The following SLC14A2 variants were observed in gnomAD, a reference collection of about 807,000 sequenced individuals.
The protein encoded by SLC14A2 is solute carrier family 14 member 2.
Under a neutral mutation model 104.6 loss-of-function variants are expected in SLC14A2, and 91 were observed. The ratio of observed to expected loss-of-function variants is 0.87; its 90% confidence interval spans 0.73 to 1.04. SLC14A2 has a LOEUF of 1.04. Ranked by LOEUF, SLC14A2 falls within the 50% of genes least tolerant of loss-of-function variation. The probability of loss-of-function intolerance (pLI) is 0.00; values close to 1 mark genes in which losing one functional copy is unlikely to be tolerated. For missense variants in SLC14A2, 1,189 were observed against 1,156.0 expected (o/e 1.03, Z -0.41); for synonymous variants, 476 against 466.4 (o/e 1.02, Z -0.27).
At position 45,300,278 on chromosome 18, in the gene SLC14A2, T is replaced by C. The variant is rs79171382; in HGVS notation, c.-125+87087T>C. 3.7e-3 allele frequency among the ~76,000 whole-genome samples: 566 copies of C among 152,280 alleles called. 1 individual carries two copies. The highest frequency in any genetic ancestry group is 8.0e-3 in the Admixed American group (122 of 15,292). On this transcript the variant is annotated intron_variant, in intron 1 of 20. Coordinates refer to the SLC14A2 transcript ENST00000586448. ...TCTTCCCATTTTTCAACAGGACTAATGAGTTAGGGACTGCTGTATCTTCAT... is the reference window on the plus strand; with the variant it reads ...TCTTCCCATTTTTCAACAGGACTAACGAGTTAGGGACTGCTGTATCTTCAT...
intron 1 of SLC14A2, among the ~76,000 whole-genome samples, chr18:45,244,824 TA>T (rs2084353212): frequency 6.6e-6 from 1 of 152,210 alleles, no homozygotes; most frequent in African/African-American, 2.4e-5. Context: ...TTAAACTCTC[TA>T]AAATTTTTGC....
chr18:45,183,906 A>ATTTTTTTTTTTTTTT, the SLC14A2 span, among the ~76,000 whole-genome samples: 37 of 62,698 alleles, frequency 5.9e-4, 2 homozygotes, highest in Non-Finnish European at 9.2e-4. Context: ...TAATTTTCTA[A>ATTTTTTTTTTTTTTT]TTTTTTTTTT....
At chr18:45,664,092 C>T (rs1381397556) in intron 11 of SLC14A2, among the ~76,000 whole-genome samples, 185 bp downstream of exon 11, 1 of 152,150 alleles carries the variant, frequency 6.6e-6, no homozygotes, top group South Asian at 2.1e-4. Context: ...CCCTGGGTCT[C>T]GGAGAGGCTG....
At chr18:45,486,321 C>A (rs2087604657) in intron 2 of SLC14A2, among the ~76,000 whole-genome samples, 1 of 151,472 alleles carries the variant, frequency 6.6e-6, no homozygotes, top group Non-Finnish European at 1.5e-5. Context: ...ATTACAGTGG[C>A]ATTTTATTAT....
rs532424513 is a variant in SLC14A2, at chr18:45,436,812, G to A, written c.-124-46421G>A. 4.6e-5 allele frequency: 7 copies of A among 151,102 alleles called. No individual in the cohort carries two copies. In the South Asian group the frequency reaches 6.3e-4, roughly 14 times the overall value. 9.4% of individuals were successfully genotyped at this position (151,102 alleles called of 1,614,324 possible). On this transcript the variant is annotated intron_variant, in intron 1 of 20. Coordinates refer to the SLC14A2 transcript ENST00000586448. Reference sequence around the variant, plus strand: ...AGATTTCTTTCTTTTTTTTTAAGCCGAAACCAAAGCTGTGGGAGTAGAAAA... The same window carrying A: ...AGATTTCTTTCTTTTTTTTTAAGCCAAAACCAAAGCTGTGGGAGTAGAAAA...
At chr18:45,457,892 A>C (rs2086972441) in intron 1 of SLC14A2, among the ~76,000 whole-genome samples, 1 of 152,186 alleles carries the variant, frequency 6.6e-6, no homozygotes, top group Non-Finnish European at 1.5e-5. Context: ...GGAGGAGAAG[A>C]AGCATCCTGG....
At chr18:45,439,444 ATTT>A (rs60235515) in intron 1 of SLC14A2, among the ~76,000 whole-genome samples, 5 of 150,846 alleles carry the variant, frequency 3.3e-5, no homozygotes, top group Non-Finnish European at 7.4e-5. Context: ...ATATATTCTG[ATTT>A]TTTTTTTGTT....
At chr18:45,386,213 G>A (rs1411251228) in intron 1 of SLC14A2, among the ~76,000 whole-genome samples, 3 of 152,132 alleles carry the variant, frequency 2.0e-5, no homozygotes, top group Admixed American at 1.3e-4. Flanking sequence ...GCTGGAGTTG[G>A]TTCAAAAATT....
chr18:45,509,515 G>A (rs1380121955), intron 2 of SLC14A2, among the ~76,000 whole-genome samples: 2 of 151,974 alleles, frequency 1.3e-5, no homozygotes, highest in African/African-American at 4.8e-5. Context: ...AGCAATCAAG[G>A]TTTAAAAGAA....
chr18:45,408,592 A>T (rs1366720866), intron 1 of SLC14A2, among the ~76,000 whole-genome samples: 1 of 152,200 alleles, frequency 6.6e-6, no homozygotes, highest in African/African-American at 2.4e-5. Context: ...TAAGTGTTAC[A>T]TTAAACATTT....
chr18:45,327,491 C>T (rs184934768), intron 1 of SLC14A2, among the ~76,000 whole-genome samples: 2 of 152,226 alleles, frequency 1.3e-5, no homozygotes, highest in East Asian at 1.9e-4. Context: ...AAACAGAAAC[C>T]GTACTCAAAT....
At chr18:45,384,106 T>C (rs1431114713) in intron 1 of SLC14A2, among the ~76,000 whole-genome samples, 2 of 151,900 alleles carry the variant, frequency 1.3e-5, no homozygotes, top group East Asian at 3.9e-4. Context: ...CACAGGAAAA[T>C]AGAGATTGGA....
chr18:45,337,171 G>T (rs1210812784), intron 1 of SLC14A2, among the ~76,000 whole-genome samples: 2 of 152,146 alleles, frequency 1.3e-5, no homozygotes, highest in African/African-American at 4.8e-5. Context: ...CTTGAACTAG[G>T]CTTGGAAGGA....
chr18:45,376,119 G>A (rs533774925), intron 1 of SLC14A2, among the ~76,000 whole-genome samples: 2 of 152,250 alleles, frequency 1.3e-5, no homozygotes, highest in South Asian at 4.2e-4. Flanking sequence ...TAAGGTACAG[G>A]GCACATAGTT....
intron 1 of SLC14A2, among the ~76,000 whole-genome samples, chr18:45,309,769 C>A (rs2085059768): frequency 6.6e-6 from 1 of 152,092 alleles, no homozygotes; most frequent in Non-Finnish European, 1.5e-5. Context: ...ATTTTTGTAG[C>A]CACTACCCAA....
chr18:45,343,455 T>C (rs920255238), intron 1 of SLC14A2, among the ~76,000 whole-genome samples: 18 of 152,230 alleles, frequency 1.2e-4, no homozygotes, highest in African/African-American at 4.1e-4. Flanking sequence ...TCCTCCCTCC[T>C]GTGACCCCCT....
chr18:45,406,852 C>T (rs1467606838), intron 1 of SLC14A2, among the ~76,000 whole-genome samples: 2 of 151,986 alleles, frequency 1.3e-5, no homozygotes, highest in East Asian at 1.9e-4. Flanking sequence ...CAGTAAGTCT[C>T]AACAGTGGGC....
intron 1 of SLC14A2, among the ~76,000 whole-genome samples, chr18:45,373,788 T>C (rs976784751): frequency 2.0e-5 from 3 of 152,218 alleles, no homozygotes; most frequent in East Asian, 1.9e-4. Context: ...AGGGCAAGTA[T>C]GTAAATCCTC....
rs1221144150 is a variant in SLC14A2 at position 45,667,977 on chromosome 18, G to A, written c.1862G>A (p.Gly621Asp). 9 of 1,613,972 alleles carry A rather than the reference G, an allele frequency of 5.6e-6. No homozygotes were observed. Among genetic ancestry groups the A allele is most frequent in the Non-Finnish European group, 6.8e-6 (8 of 1,180,024 alleles). Residue 621 changes from glycine (G) to aspartate (D), a missense_variant, in exon 14 of 20, where the codon GGT becomes GAT. Physicochemically the swap from Gly to Asp is moderately conservative, Grantham distance 94. Transcript: ENST00000255226. ...NPWWAISGCL[G>D]TIMSTLTALI... is the part of the protein sequence containing the mutation. ...TGGTGGGCGATCTCAGGCTGCCTGGGTACCATCATGTCCACCTTGACAGCC... is the reference window on the plus strand; with the variant it reads ...TGGTGGGCGATCTCAGGCTGCCTGGATACCATCATGTCCACCTTGACAGCC...
Sources: allele counts gnomAD v4.1 joint callset (sites outside exome capture counted in the v4.1 genomes callset), GRCh38; gene constraint gnomAD v4.1.1; transcripts MANE v1.5; gene names NCBI Gene and HGNC (gene_info 2026-07-23, HGNC 2026-07-21).